Variants in CADPS2 observed in about 807,000 individuals in gnomAD.
CADPS2 encodes the protein calcium dependent secretion activator 2, also known as calcium-dependent secretion activator 2.
In CADPS2, 93 loss-of-function variants were observed where a neutral mutation model predicts 172.5. That is an observed-to-expected ratio of 0.54 (90% CI 0.46 to 0.64). The LOEUF (loss-of-function observed/expected upper bound fraction) is 0.64, where lower values mean the gene tolerates loss of function less well. CADPS2 is among the 30% of genes least tolerant of loss of function. The pLI is 0.00. For synonymous variants in CADPS2, 546 were observed against 555.2 expected, an observed-to-expected ratio of 0.98 and a Z score of 0.23; for missense variants, 1,420 against 1,565.9, an observed-to-expected ratio of 0.91 and a Z score of 1.57.
chr7:122,607,563 C>T (rs1378351711), intron 6 of CADPS2, among the ~76,000 whole-genome samples: 2 of 152,152 alleles, frequency 1.3e-5, no homozygotes, highest in African/African-American at 4.8e-5. Context: ...ATTCTATAAA[C>T]TTTCTCCCAA....
intron 2 of CADPS2, among the ~76,000 whole-genome samples, chr7:122,708,357 T>C (rs1211136361): frequency 6.6e-6 from 1 of 151,058 alleles, no homozygotes; most frequent in African/African-American, 2.4e-5. Context: ...TTCAGAAAGG[T>C]GATCATTTCA....
intron 1 of CADPS2, among the ~76,000 whole-genome samples, chr7:122,854,588 G>A (rs1044334888): frequency 2.0e-5 from 3 of 152,208 alleles, no homozygotes; most frequent in Non-Finnish European, 4.4e-5. Context: ...AGAACAAGGT[G>A]TGCTGCACAC....
intron 1 of CADPS2, among the ~76,000 whole-genome samples, chr7:122,749,335 C>A (rs1049557493): frequency 6.6e-6 from 1 of 152,052 alleles, no homozygotes; most frequent in African/African-American, 2.4e-5. Context: ...CTGATTAAAA[C>A]CAAGGATTTG....
chr7:122,679,503 C>T (rs189732873), intron 2 of CADPS2, among the ~76,000 whole-genome samples: 2 of 152,272 alleles, frequency 1.3e-5, no homozygotes, highest in Admixed American at 6.5e-5. Context: ...TAGTTTCACC[C>T]TGACCTTGTG....
chr7:122,723,011 C>T (rs1022789225), intron 2 of CADPS2, among the ~76,000 whole-genome samples: 1 of 151,992 alleles, frequency 6.6e-6, no homozygotes, highest in African/African-American at 2.4e-5. Flanking sequence ...CTTCCTTACA[C>T]CTTATACAAA....
At chr7:122,775,856 T>C (rs2093864697) in intron 1 of CADPS2, among the ~76,000 whole-genome samples, 1 of 152,188 alleles carries the variant, frequency 6.6e-6, no homozygotes, top group East Asian at 1.9e-4. Flanking sequence ...AGGAAGTCAT[T>C]CAAATTTAAT....
intron 2 of CADPS2, among the ~76,000 whole-genome samples, chr7:122,705,446 T>A (rs1465662824): frequency 7.3e-6 from 1 of 137,632 alleles, no homozygotes; most frequent in Non-Finnish European, 1.5e-5. Flanking sequence ...TAATATAATA[T>A]TATATATTAT....
intron 1 of CADPS2, among the ~76,000 whole-genome samples, chr7:122,810,551 C>T (rs376274796): frequency 1.2e-4 from 19 of 152,246 alleles, no homozygotes; most frequent in African/African-American, 2.6e-4. Context: ...CTATTTAAAA[C>T]GTAGATTCCA....
chr7:122,878,641 A>G (rs918642813), intron 1 of CADPS2, among the ~76,000 whole-genome samples: 526 of 12,948 alleles, frequency 0.041, 6 homozygotes, highest in African/African-American at 0.15. Flanking sequence ...CTCTGTCTCA[A>G]ATAAATAAAT....
intron 7 of CADPS2, among the ~76,000 whole-genome samples, chr7:122,559,637 G>T (rs1362184807): frequency 1.3e-5 from 2 of 151,898 alleles, no homozygotes; most frequent in East Asian, 3.9e-4. Flanking sequence ...CAGGCATGGT[G>T]GCGGGTGCCT....
intron 14 of CADPS2, among the ~76,000 whole-genome samples, chr7:122,466,449 C>T (rs1004884182): frequency 4.6e-5 from 7 of 152,112 alleles, no homozygotes; most frequent in Non-Finnish European, 8.8e-5. Context: ...GGGTGGTAGG[C>T]GGGGAGGTCC....
chr7:122,615,521 C>G (rs1250409460), intron 5 of CADPS2, among the ~76,000 whole-genome samples: 1 of 152,042 alleles, frequency 6.6e-6, no homozygotes, highest in Non-Finnish European at 1.5e-5. Context: ...AATATATCTG[C>G]TGCCAGATAC....
At chr7:122,706,603 C>T (rs991672475) in intron 2 of CADPS2, among the ~76,000 whole-genome samples, 9 of 146,912 alleles carry the variant, frequency 6.1e-5, no homozygotes, top group African/African-American at 2.2e-4. Context: ...ATCACACACA[C>T]TTAAGAGATA....
intron 13 of CADPS2, among the ~76,000 whole-genome samples, chr7:122,473,931 C>T (rs1195961371): frequency 6.6e-6 from 1 of 152,102 alleles, no homozygotes; most frequent in Non-Finnish European, 1.5e-5. Context: ...ATTGTTAATT[C>T]CACTATTTCC....
chr7:122,562,178 C>T (rs1051153365), intron 7 of CADPS2, among the ~76,000 whole-genome samples: 1 of 152,112 alleles, frequency 6.6e-6, no homozygotes, highest in Non-Finnish European at 1.5e-5. Flanking sequence ...GATCCTAATC[C>T]CCAGGACTTG....
At chr7:122,372,136 A>C (rs1351181383) in intron 25 of CADPS2, among the ~76,000 whole-genome samples, 2 of 152,234 alleles carry the variant, frequency 1.3e-5, no homozygotes, top group Non-Finnish European at 2.9e-5. Context: ...ACTGAGCCAC[A>C]GAAAGCTTGT....
intron 9 of CADPS2, among the ~76,000 whole-genome samples, chr7:122,508,334 A>G (rs879806954): frequency 2.0e-5 from 3 of 152,004 alleles, no homozygotes; most frequent in Non-Finnish European, 4.4e-5. Flanking sequence ...CCACAACAAA[A>G]ACCACATTCA....
intron 9 of CADPS2, among the ~76,000 whole-genome samples, chr7:122,502,739 A>G (rs1053936860): frequency 6.6e-6 from 1 of 152,146 alleles, no homozygotes; most frequent in African/African-American, 2.4e-5. Flanking sequence ...CGTTTATTTC[A>G]TTATTATTCT....
At chr7:122,612,446 G>A (rs1280717477) in intron 6 of CADPS2, among the ~76,000 whole-genome samples, 1 of 151,524 alleles carries the variant, frequency 6.6e-6, no homozygotes, top group Non-Finnish European at 1.5e-5. Flanking sequence ...ACTCAAAATA[G>A]CATAAAAAAG....
Sources: allele counts gnomAD v4.1 joint callset (sites outside exome capture counted in the v4.1 genomes callset), GRCh38; gene constraint gnomAD v4.1.1; transcripts MANE v1.5; gene names NCBI Gene and HGNC (gene_info 2026-07-23, HGNC 2026-07-21).